The following HECTD4 variants were observed in gnomAD, a reference collection of about 807,000 sequenced individuals.
HECTD4 encodes HECT domain E3 ubiquitin protein ligase 4.
HECTD4 carries 114 observed loss-of-function variants against 471.5 expected under a neutral mutation model. That is an observed-to-expected ratio of 0.24 (90% CI 0.21 to 0.28). The LOEUF (loss-of-function observed/expected upper bound fraction) is 0.28, where lower values mean the gene tolerates loss of function less well. Ranked by LOEUF, HECTD4 falls within the 10% of genes least tolerant of loss-of-function variation. The probability of loss-of-function intolerance (pLI) is 1.00; values close to 1 mark genes in which losing one functional copy is unlikely to be tolerated. For missense variants in HECTD4, 3,866 were observed against 5,651.5 expected, an observed-to-expected ratio of 0.68 and a Z score of 10.13; for synonymous variants, 2,012 against 2,256.0, an observed-to-expected ratio of 0.89 and a Z score of 3.07.
intron 44 of HECTD4, among the ~76,000 whole-genome samples, chr12:112,220,239 A>G (rs1489481570): frequency 1.6e-4 from 24 of 152,140 alleles, no homozygotes; most frequent in Admixed American, 1.6e-3. Flanking sequence ...TAAAAATCTA[A>G]TATCTATGGA....
intron 34 of HECTD4, 80 bp from the exon 35 acceptor site, chr12:112,237,178 T>C: frequency 7.8e-7 from 1 of 1,278,796 alleles, no homozygotes. Context: ...CGGCGAGCCC[T>C]GTCCATTTAT....
chr12:112,315,574 A>C (rs1040220202), intron 2 of HECTD4, among the ~76,000 whole-genome samples: 1 of 152,154 alleles, frequency 6.6e-6, no homozygotes, highest in African/African-American at 2.4e-5. Context: ...CCTAACTCCT[A>C]TGGATTTTTG....
At position 112,247,050 on chromosome 12, in the gene HECTD4, G is replaced by T; in HGVS notation, c.4364C>A (p.Ser1455Tyr). The T allele has an allele frequency of 1.2e-6, 2 of 1,608,670 alleles. No individual in the cohort carries two copies. The highest frequency in any genetic ancestry group is 1.1e-5 in the South Asian group (1 of 90,386). The change falls in exon 29 of 76, where the codon TCT (serine) becomes TAT (tyrosine). Residue 1455 changes from serine to tyrosine, a missense_variant. This residue lies in a region of HECTD4 where 281 missense variants were observed against 499.9 expected (regional missense o/e 0.56). Transcript: ENST00000682272. ...TGGGTGTGAGGGTTTCTGAATAAGA[G>T]AATTCACTTCTTGTAGGAACTTCTC... Reference protein sequence around the residue: ...LREKFLQEVNSLIQKPSHPLA... With the variant: ...LREKFLQEVNYLIQKPSHPLA...
Position 112,169,594 on chromosome 12 carries a change from C to T in HECTD4, c.12117G>A (p.Pro4039=), listed in dbSNP as rs766875623. The change falls in exon 70 of 76, where the codon CCG becomes CCA. Residue 4039 remains proline, a synonymous_variant. Coordinates refer to ENST00000682272, the MANE Select transcript of HECTD4 (RefSeq NM_001388303.1). ...CCAGCTTGACGCAGAGCTGAGACGA[C>T]GGCACTGAGGCCAGCTGCCTGGCAG... ...CQAARQLASV[P]SSQLCVKLAS... 1.4e-5 allele frequency: 23 copies of T among 1,613,640 alleles called. No homozygotes were observed. The Middle Eastern group carries it at 1.2e-3, about 81-fold the overall frequency.
chr12:112,347,121 A>AAT (rs1485531129), intron 1 of HECTD4, among the ~76,000 whole-genome samples: 8 of 151,842 alleles, frequency 5.3e-5, no homozygotes, highest in Non-Finnish European at 1.0e-4. Context: ...TATCATATAA[A>AAT]ATATATATTT....
intron 22 of HECTD4, among the ~76,000 whole-genome samples, chr12:112,253,538 C>T (rs993279384): frequency 6.6e-6 from 1 of 152,162 alleles, no homozygotes; most frequent in Non-Finnish European, 1.5e-5. Context: ...TTTTAACAGA[C>T]ATTTCAGTCT....
Position 112,162,625 on chromosome 12 carries a change from C to G in HECTD4, c.13121-102G>C. 7.1e-7 allele frequency: 1 copy of G among 1,417,336 alleles called. No homozygotes were observed. 87.8% of individuals were successfully genotyped at this position (1,417,336 alleles called of 1,614,324 possible). A position where few individuals can be genotyped will look rare whatever the true frequency, so the allele number is the denominator to read the frequency against. ...CTTCCAGGTTTGCCTCCTTGGGTAG[C>G]CCCAAGCCAATCCTGGGGCCCAGCA... On this transcript the variant is annotated intron_variant, in intron 75 of 75. Coordinates refer to ENST00000682272, the MANE Select transcript of HECTD4 (RefSeq NM_001388303.1). This position sits in a 1 kb window ranked among gnomAD's most constrained non-coding sequence, Gnocchi z 5.2.
chr12:112,377,873 AAAAGAAAG>A (rs746157922), intron 1 of HECTD4, among the ~76,000 whole-genome samples: 1 of 152,170 alleles, frequency 6.6e-6, no homozygotes, highest in Non-Finnish European at 1.5e-5. Context: ...TCGGTCTCAA[AAAAGAAAG>A]AAAGAAAGAA....
chr12:112,324,095 T>C (rs973358846), intron 1 of HECTD4, among the ~76,000 whole-genome samples: 4 of 89,952 alleles, frequency 4.4e-5, no homozygotes, highest in Non-Finnish European at 7.5e-5. Flanking sequence ...TCTTTCTTTC[T>C]TTCTTTCCTC....
At chr12:112,266,073 G>T (rs2034265200) in intron 14 of HECTD4, 90 bp from the exon 15 acceptor site, 2 of 890,190 alleles carry the variant, frequency 2.2e-6, no homozygotes, top group Non-Finnish European at 1.8e-6. Flanking sequence ...CAAATAGATT[G>T]TCGGCAAGCT....
Position 112,216,776 on chromosome 12 carries a change from T to A in HECTD4, c.7382A>T (p.His2461Leu). 1.9e-6 allele frequency: 3 copies of A among 1,613,120 alleles called. No homozygotes were observed. Among genetic ancestry groups the A allele is most frequent in the Non-Finnish European group, 2.5e-6 (3 of 1,179,128 alleles). The change falls in exon 47 of 76, where the codon CAT (histidine) becomes CTT (leucine). Residue 2461 changes from histidine to leucine, a missense_variant. By Grantham distance (99) the His-to-Leu change is moderately conservative (BLOSUM62 -3). Coordinates refer to ENST00000682272, the MANE Select transcript of HECTD4 (RefSeq NM_001388303.1). ...WTNPVGTCLF[H>L]NNGRAVHYNG... ...CTGAGCTACTTCTTTTACTTACTTA[T>A]GGAAAAGACAAGTGCCCACTGGATT... is the stretch of plus-strand genomic sequence containing the variant.
At chr12:112,170,598 T>G in intron 68 of HECTD4, 146 bp from the exon 69 acceptor site, 12 of 975,206 alleles carry the variant, frequency 1.2e-5, no homozygotes, top group Non-Finnish European at 1.7e-5. Flanking sequence ...GAGGGTGGTG[T>G]GTCAGCATCC....
At chr12:112,367,848 A>AAAAAG (rs2036597105) in intron 1 of HECTD4, among the ~76,000 whole-genome samples, 2 of 146,778 alleles carry the variant, frequency 1.4e-5, no homozygotes, top group East Asian at 2.1e-4. Context: ...AAAAAAAAAA[A>AAAAAG]CGCTAACACG....
rs540625014 is a variant in HECTD4, at chr12:112,202,148, C to T, written c.8407-1350G>A. 2.0e-5 allele frequency among the ~76,000 whole-genome samples: 3 copies of T among 151,958 alleles called. No individual in the cohort carries two copies. The East Asian group carries it at 5.8e-4, about 29-fold the overall frequency. On this transcript the variant is annotated intron_variant, in intron 54 of 75. Transcript: ENST00000682272. ...CACCTCAGTGACCACCAGTCAATAG[C>T]CCCTCTAAAAAAATCTAATGAGTTA...
chr12:112,257,371 T>A (rs571538636), intron 20 of HECTD4, among the ~76,000 whole-genome samples: 2 of 152,344 alleles, frequency 1.3e-5, no homozygotes, highest in South Asian at 4.1e-4. Flanking sequence ...TTCCATAGCC[T>A]GCTGCTCTAG....
intron 1 of HECTD4, among the ~76,000 whole-genome samples, chr12:112,367,066 C>T (rs1481459173): frequency 6.7e-6 from 1 of 149,988 alleles, no homozygotes; most frequent in East Asian, 2.0e-4. Context: ...CTTTGGGAAG[C>T]CGAGGCAAGC....
At chr12:112,341,154 G>C (rs2036047100) in intron 1 of HECTD4, among the ~76,000 whole-genome samples, 1 of 152,178 alleles carries the variant, frequency 6.6e-6, no homozygotes, top group South Asian at 2.1e-4. Flanking sequence ...AATATTTACT[G>C]AATGAGCAGC....
chr12:112,251,974 G>C (rs1191530575), intron 23 of HECTD4, among the ~76,000 whole-genome samples: 1 of 152,128 alleles, frequency 6.6e-6, no homozygotes, highest in African/African-American at 2.4e-5. Context: ...GTTTCACCAA[G>C]TTGGCCAGGC....
Position 112,251,040 on chromosome 12 carries a change from T to C in HECTD4, c.3647A>G (p.Tyr1216Cys). ...VLACSMLRILYNGPEITKEEE... is the reference protein window; with the variant it reads ...VLACSMLRILCNGPEITKEEE... ...TTCTTTGGTAATTTCTGGTCCATTG[T>C]ACAGGATTCTTAACATGGAACAAGC... Residue 1216 changes from tyrosine (Y) to cysteine (C), a missense_variant, in exon 24 of 76, where the codon TAC (tyrosine) becomes TGC (cysteine). Around this residue, in one of 16 missense-constraint regions of HECTD4, gnomAD observed 281 missense variants for 499.9 expected, o/e 0.56. Coordinates refer to ENST00000682272, the MANE Select transcript of HECTD4 (RefSeq NM_001388303.1). The C allele has an allele frequency of 1.9e-6, 3 of 1,614,038 alleles. No homozygotes were observed. The highest frequency in any genetic ancestry group is 1.1e-5 in the South Asian group (1 of 91,084).
Sources: allele counts gnomAD v4.1 joint callset (sites outside exome capture counted in the v4.1 genomes callset), GRCh38; gene constraint gnomAD v4.1.1; regional missense constraint gnomAD v4.1.1; non-coding constraint Gnocchi (gnomAD v3.1); transcripts MANE v1.5; gene names NCBI Gene and HGNC (gene_info 2026-07-23, HGNC 2026-07-21).